CTBP1: variants seen among roughly 807,000 people sequenced by gnomAD.
CTBP1 encodes C-terminal binding protein 1, also known as C-terminal-binding protein 1.
Under a neutral mutation model 42.1 loss-of-function variants are expected in CTBP1, and 11 were observed. That is an observed-to-expected ratio of 0.26 (90% CI 0.16 to 0.43). The LOEUF is 0.43. Among genes scored for constraint, CTBP1 ranks in the 20% least tolerant of loss-of-function variants. CTBP1 has a pLI of 1.00. For missense variants in CTBP1, 399 were observed against 624.3 expected (o/e 0.64, Z 3.85); for synonymous variants, 324 against 277.1 (o/e 1.17, Z -1.68).
At position 1,213,506 on chromosome 4, in the gene CTBP1, C is replaced by G. The variant is rs758441543; in HGVS notation, c.960G>C (p.Ala320=). ...TGATGGCTCTGCGGATCTCCCGTGC[C>G]GCCTCCTCTCGCATCTCGATGGATG... ...EQASIEMREE[A]AREIRRAITG... is the part of the protein sequence containing the mutation. The change falls in exon 8 of 10, where the codon GCG becomes GCC. Residue 320 remains alanine (A), a synonymous_variant. Transcript: ENST00000382952. 6.2e-7 allele frequency: 1 copy of G among 1,612,538 alleles called. No individual in the cohort carries two copies. The highest frequency in any genetic ancestry group is 2.2e-5 in the East Asian group (1 of 44,872).
chr4:1,243,775 C>T (rs1393369152), intron 1 of CTBP1: 24 of 985,298 alleles, frequency 2.4e-5, no homozygotes, highest in South Asian at 1.9e-4. Flanking sequence ...TGAAGGCACA[C>T]GGCTCCCAGA....
intron 3 of CTBP1, chr4:1,236,434 G>T: frequency 1.8e-6 from 1 of 568,294 alleles, no homozygotes; most frequent in Admixed American, 3.0e-5. Context: ...GGGGCCGGGG[G>T]AAGCACCTTA....
intron 5 of CTBP1, among the ~76,000 whole-genome samples, chr4:1,225,013 C>T (rs1042601410): frequency 6.6e-6 from 1 of 151,814 alleles, no homozygotes; most frequent in Non-Finnish European, 1.5e-5. Context: ...TATCTATGTG[C>T]CCATGAAGCC....
rs150518674 is a variant in CTBP1 at position 1,226,605 on chromosome 4, G to T, written c.308-1039C>A. Among the ~76,000 whole-genome samples the T allele has an allele frequency of 1.7e-4, 26 of 150,244 alleles. No individual in the cohort carries two copies. The East Asian group carries it at 3.5e-3, about 20-fold the overall frequency. On this transcript the variant is annotated intron_variant, in intron 4 of 9. Transcript: ENST00000382952. ...TCCTGAGGGTGGGCCAGATCCCAGG[G>T]GTGCCCCAGACCATCCCTGGCTGAA...
chr4:1,241,966 A>G, intron 1 of CTBP1: 1 of 1,018,144 alleles, frequency 9.8e-7, no homozygotes, highest in South Asian at 3.9e-5. Context: ...GTGACCAGGC[A>G]AGGACGTGGA....
intron 4 of CTBP1, among the ~76,000 whole-genome samples, 185 bp downstream of exon 4, chr4:1,228,014 G>A (rs539811592): frequency 6.6e-6 from 1 of 152,316 alleles, no homozygotes; most frequent in East Asian, 1.9e-4. Flanking sequence ...CCTGAGATGA[G>A]GCTCTGTGAG....
At chr4:1,246,768 G>C (rs547315101) in intron 1 of CTBP1, among the ~76,000 whole-genome samples, 1 of 152,362 alleles carries the variant, frequency 6.6e-6, no homozygotes, top group African/African-American at 2.4e-5. Context: ...AGCCCCGAGG[G>C]AAGAGACTGG....
intron 1 of CTBP1, chr4:1,248,672 G>T: frequency 1.0e-6 from 1 of 983,262 alleles, no homozygotes; most frequent in Non-Finnish European, 1.2e-6. Flanking sequence ...TGCACGGGCC[G>T]CGGGCGGGGA....
chr4:1,244,233 G>A (rs1407097853), intron 1 of CTBP1: 68 of 985,076 alleles, frequency 6.9e-5, no homozygotes, highest in Non-Finnish European at 8.2e-5. Context: ...CCCGATCCAC[G>A]TGTGTGCTGG....
rs200450670 is a variant in CTBP1, at chr4:1,238,139, C to A, written c.162+44G>T. On this transcript the variant is annotated intron_variant, in intron 3 of 9. Coordinates refer to ENST00000382952, the MANE Select transcript of CTBP1 (RefSeq NM_001012614.2). The surrounding 1 kb of genome is among the most constrained non-coding windows in gnomAD (Gnocchi z 5.9). ...CGTGCTCCCGTCCCTCCAACTCCCC[C>A]CAACGTGCGGTTCTGCCAGCCCCAG... 3.7e-5 allele frequency: 59 copies of A among 1,611,908 alleles called. No homozygotes were observed. Among genetic ancestry groups the A allele is most frequent in the Admixed American group, 3.5e-4 (21 of 59,996 alleles).
chr4:1,245,423 C>A (rs1732615390), intron 1 of CTBP1: 1 of 985,400 alleles, frequency 1.0e-6, no homozygotes. Flanking sequence ...GCTACACCTT[C>A]CTCCCCTTCC....
intron 7 of CTBP1, chr4:1,214,127 A>T: frequency 1.8e-6 from 1 of 569,372 alleles, no homozygotes; most frequent in Non-Finnish European, 2.9e-6. Context: ...AGGGCTGAGG[A>T]GGTTGAGCAG....
At chr4:1,245,325 G>C (rs1341324283) in intron 1 of CTBP1, 1 of 985,324 alleles carries the variant, frequency 1.0e-6, no homozygotes, top group African/African-American at 1.7e-5. Context: ...TTCCCTGTTT[G>C]TTCAGCGAGC....
chr4:1,221,606 A>T (rs566534803), intron 5 of CTBP1: 1 of 228,836 alleles, frequency 4.4e-6, no homozygotes, highest in East Asian at 1.6e-4. Flanking sequence ...ACCCAGAGGC[A>T]TCACCCCGAC....
rs748191701 is a variant in CTBP1 at position 1,241,523 on chromosome 4, A to T, written c.-188-4T>A. The T allele has an allele frequency of 1.9e-6, 3 of 1,590,284 alleles. No homozygotes were observed. Among genetic ancestry groups the T allele is most frequent in the Non-Finnish European group, 2.6e-6 (3 of 1,174,700 alleles). On this transcript the variant is annotated splice_region_variant and splice_polypyrimidine_tract_variant and intron_variant, in intron 1 of 9. Coordinates refer to ENST00000382952, the MANE Select transcript of CTBP1 (RefSeq NM_001012614.2). ...CTGCGTCGGGGTCAAAGTCTTACTAAAAATCAAACACAAGAGACACATTAA... is the reference window on the plus strand; with the variant it reads ...CTGCGTCGGGGTCAAAGTCTTACTATAAATCAAACACAAGAGACACATTAA...
chr4:1,227,558 G>A (rs1290597149), intron 4 of CTBP1, among the ~76,000 whole-genome samples: 3 of 150,584 alleles, frequency 2.0e-5, no homozygotes, highest in South Asian at 2.1e-4. Context: ...GCAGATGTGC[G>A]TGTTCTGTGT....
intron 6 of CTBP1, 57 bp downstream of exon 6, chr4:1,215,934 A>C (rs1577018180): frequency 4.6e-6 from 7 of 1,530,590 alleles, no homozygotes; most frequent in Non-Finnish European, 6.2e-6. Context: ...CCTGCCTGAC[A>C]CCCCCACCTG....
chr4:1,213,641 G>C (rs1577012628), intron 7 of CTBP1, 36 bp from the exon 8 acceptor site: 1 of 1,601,854 alleles, frequency 6.2e-7, no homozygotes, highest in South Asian at 1.1e-5. Flanking sequence ...TGCAGCCTGA[G>C]TGCTGTGGCT....
Position 1,241,462 on chromosome 4 carries a change from G to C in CTBP1, c.-131C>G. ...ACGTCCTTAATTGTCTCGAGCCAAA[G>C]TGCTCAGGCTTCTGATCCGCGGCAA... On this transcript the variant is annotated 5_prime_UTR_variant, in exon 2 of 10. Coordinates refer to ENST00000382952, the MANE Select transcript of CTBP1 (RefSeq NM_001012614.2). 1 of 1,602,498 alleles carries C rather than the reference G, an allele frequency of 6.2e-7. No individual in the cohort carries two copies. Among genetic ancestry groups the C allele is most frequent in the Non-Finnish European group, 8.5e-7 (1 of 1,172,354 alleles).
Sources: allele counts gnomAD v4.1 joint callset (sites outside exome capture counted in the v4.1 genomes callset), GRCh38; gene constraint gnomAD v4.1.1; non-coding constraint Gnocchi (gnomAD v3.1); transcripts MANE v1.5; gene names NCBI Gene and HGNC (gene_info 2026-07-23, HGNC 2026-07-21).